GPR180: variants seen among roughly 807,000 people sequenced by gnomAD.
GPR180 encodes the protein integral membrane protein GPR180.
GPR180 carries 53 observed loss-of-function variants against 52.6 expected under a neutral mutation model. The observed-to-expected ratio is 1.01, with a 90% CI of 0.81 to 1.27. GPR180 has a LOEUF of 1.27. Among genes scored for constraint, GPR180 ranks in the 50% most tolerant of loss-of-function variants. The pLI, the probability that GPR180 is intolerant of heterozygous loss-of-function variation, is 0.00. For synonymous variants in GPR180, 200 were observed against 193.1 expected, an observed-to-expected ratio of 1.04 and a Z score of -0.30; for missense variants, 533 against 527.0, an observed-to-expected ratio of 1.01 and a Z score of -0.11.
Position 94,628,715 on chromosome 13 carries a change from G to A in GPR180, c.*1544G>A, listed in dbSNP as rs1889957801. ...TTTGTAAATCACTTAGTACATTAGA[G>A]CTACAGGTTAAGACTAGAAAGTCTG... is the stretch of plus-strand genomic sequence containing the variant. On this transcript the variant is annotated 3_prime_UTR_variant, in exon 9 of 9. Coordinates refer to ENST00000376958, the MANE Select transcript of GPR180 (RefSeq NM_180989.6). 1 of 152,024 alleles carries A rather than the reference G, an allele frequency of 6.6e-6. No individual in the cohort carries two copies. Among genetic ancestry groups the A allele is most frequent in the African/African-American group, 2.4e-5 (1 of 41,432 alleles). 9.4% of individuals were successfully genotyped at this position (152,024 alleles called of 1,614,324 possible). A position where few individuals can be genotyped will look rare whatever the true frequency, so the allele number is the denominator to read the frequency against.
intron 7 of GPR180, among the ~76,000 whole-genome samples, chr13:94,624,636 C>A (rs1291084389): frequency 6.6e-6 from 1 of 152,212 alleles, no homozygotes; most frequent in African/African-American, 2.4e-5. Flanking sequence ...CGGCTCACTG[C>A]AAGCTCCGCC....
At chr13:94,609,744 G>A (rs925675657) in intron 2 of GPR180, among the ~76,000 whole-genome samples, 1 of 150,498 alleles carries the variant, frequency 6.6e-6, no homozygotes, top group Non-Finnish European at 1.5e-5. Context: ...TCCAGAAACT[G>A]TATGTGTGTT....
intron 7 of GPR180, among the ~76,000 whole-genome samples, chr13:94,623,553 A>C (rs1354341106): frequency 6.6e-6 from 1 of 151,874 alleles, no homozygotes; most frequent in Non-Finnish European, 1.5e-5. Flanking sequence ...TGTGGCGAGC[A>C]CCTGTTGTCT....
chr13:94,619,059 T>C, intron 3 of GPR180, 91 bp from the exon 4 acceptor site: 2 of 1,010,876 alleles, frequency 2.0e-6, no homozygotes, highest in East Asian at 2.5e-5. Flanking sequence ...AAACAAGTTC[T>C]AGAAATATAT....
chr13:94,626,814 T>C (rs985363393), intron 8 of GPR180, among the ~76,000 whole-genome samples, 199 bp from the exon 9 acceptor site: 1 of 152,172 alleles, frequency 6.6e-6, no homozygotes, highest in Non-Finnish European at 1.5e-5. Flanking sequence ...ACAAAATAAC[T>C]GTTAAAGGGA....
intron 6 of GPR180, 28 bp from the exon 7 acceptor site, chr13:94,623,081 T>C (rs1376250186): frequency 6.4e-7 from 1 of 1,561,280 alleles, no homozygotes; most frequent in Non-Finnish European, 8.7e-7. Context: ...TTTTTTTTCC[T>C]AAATGTAATA....
intron 2 of GPR180, among the ~76,000 whole-genome samples, chr13:94,606,047 T>C (rs967567197): frequency 2.0e-5 from 3 of 152,332 alleles, no homozygotes; most frequent in African/African-American, 7.2e-5. Flanking sequence ...ATCTCAGCAC[T>C]TGGGGAGGCC....
In GPR180 at chr13:94,601,868, T is replaced by C. The variant is rs907490212; in HGVS notation, c.-60T>C. 2 of 1,324,286 alleles carry C rather than the reference T, an allele frequency of 1.5e-6. No homozygotes were observed. The highest frequency in any genetic ancestry group is 1.9e-6 in the Non-Finnish European group (2 of 1,034,990). 82.0% of individuals were successfully genotyped at this position (1,324,286 alleles called of 1,614,324 possible). On this transcript the variant is annotated 5_prime_UTR_variant, in exon 1 of 9. Coordinates refer to ENST00000376958, the MANE Select transcript of GPR180 (RefSeq NM_180989.6). ...ACCCCGCCTCCCCCAGCTGCCGACGTGGGGCGGGCAGCCGCCGGCGGCTGG... is the reference window on the plus strand; with the variant it reads ...ACCCCGCCTCCCCCAGCTGCCGACGCGGGGCGGGCAGCCGCCGGCGGCTGG...
rs892359764 is a variant in GPR180 at position 94,602,133 on chromosome 13, G to A, written c.145+61G>A. 1,236 of 1,251,276 alleles carry A rather than the reference G, an allele frequency of 9.9e-4. 3 individuals carry two copies. Among genetic ancestry groups the A allele is most frequent in the South Asian group, 1.8e-3 (62 of 35,386 alleles). 77.5% of individuals were successfully genotyped at this position (1,251,276 alleles called of 1,614,324 possible). ...CTGGCCCATCCCGCCGGCTGAGTCCGCCGGCCGCTCCTCCCGGCCCCTCCC... is the reference window on the plus strand; with the variant it reads ...CTGGCCCATCCCGCCGGCTGAGTCCACCGGCCGCTCCTCCCGGCCCCTCCC... On this transcript the variant is annotated intron_variant, in intron 1 of 8. Coordinates refer to ENST00000376958, the MANE Select transcript of GPR180 (RefSeq NM_180989.6).
intron 1 of GPR180, among the ~76,000 whole-genome samples, chr13:94,604,123 C>T (rs1424581897): frequency 6.6e-6 from 1 of 151,996 alleles, no homozygotes; most frequent in Non-Finnish European, 1.5e-5. Flanking sequence ...CACCTGAGGT[C>T]AGGAGTTAAA....
rs1219421457 is a variant in GPR180, at chr13:94,623,345, G to A, written c.1086+45G>A. 4 of 1,467,344 alleles carry A rather than the reference G, an allele frequency of 2.7e-6. No homozygotes were observed. The Admixed American group carries it at 5.5e-5, about 20-fold the overall frequency. The allele number at this position is 1,467,344 out of a possible 1,614,324, so 90.9% of individuals were successfully genotyped here. A position where few individuals can be genotyped will look rare whatever the true frequency, so the allele number is the denominator to read the frequency against. ...ATCGTTTATTCTGATTATCCACTTG[G>A]TTCTGGTTTCTTTGGGAAGTTAATA... is the stretch of plus-strand genomic sequence containing the variant. On this transcript the variant is annotated intron_variant, in intron 7 of 8. Transcript: ENST00000376958.
Position 94,627,221 on chromosome 13 carries a change from A to G in GPR180, c.*50A>G. 6.6e-7 allele frequency: 1 copy of G among 1,513,762 alleles called. No individual in the cohort carries two copies. The highest frequency in any genetic ancestry group is 9.1e-7 in the Non-Finnish European group (1 of 1,100,640). 93.8% of individuals were successfully genotyped at this position (1,513,762 alleles called of 1,614,324 possible). A position where few individuals can be genotyped will look rare whatever the true frequency, so the allele number is the denominator to read the frequency against. ...AGTGAATTGGTTAAAAGAGTGCAAT[A>G]AGGATCCAAATACAGTGACTTTTTT... On this transcript the variant is annotated 3_prime_UTR_variant, in exon 9 of 9. Coordinates refer to ENST00000376958, the MANE Select transcript of GPR180 (RefSeq NM_180989.6).
chr13:94,611,895 A>C (rs1460339620), intron 2 of GPR180, among the ~76,000 whole-genome samples: 5 of 152,150 alleles, frequency 3.3e-5, no homozygotes, highest in Admixed American at 1.3e-4. Context: ...AAAAGAAAAA[A>C]AAAAAAAAGA....
chr13:94,601,993 T>C lies in GPR180; in HGVS notation c.66T>C (p.Gly22=), dbSNP rs946945440. 1 of 1,486,838 alleles carries C rather than the reference T, an allele frequency of 6.7e-7. No individual in the cohort carries two copies. The highest frequency in any genetic ancestry group is 8.9e-7 in the Non-Finnish European group (1 of 1,123,140). 92.1% of individuals were successfully genotyped at this position (1,486,838 alleles called of 1,614,324 possible). A position where few individuals can be genotyped will look rare whatever the true frequency, so the allele number is the denominator to read the frequency against. The part of the protein sequence containing the change: ...TCCWWPQGSQ[G]KTLRGSFSST... ...GCTGGTGGCCGCAGGGCAGCCAGGG[T>C]AAGACCCTGCGGGGCAGCTTCAGCA... Residue 22 remains glycine, a synonymous_variant, in exon 1 of 9, where the codon GGT becomes GGC. Coordinates refer to ENST00000376958, the MANE Select transcript of GPR180 (RefSeq NM_180989.6).
In GPR180 at chr13:94,632,806, T is replaced by C. The variant is rs1200082887; in HGVS notation, c.*5635T>C. 2.0e-5 allele frequency: 3 copies of C among 152,232 alleles called. No individual in the cohort carries two copies. The highest frequency in any genetic ancestry group is 4.4e-5 in the Non-Finnish European group (3 of 68,038). 9.4% of individuals were successfully genotyped at this position (152,232 alleles called of 1,614,324 possible). On this transcript the variant is annotated 3_prime_UTR_variant, in exon 9 of 9. Transcript: ENST00000376958. ...GTTGGAGTTTTGAGTCATATGATATTAGCCCAACCTCTGAGGTGGAGAGAG... is the reference window on the plus strand; with the variant it reads ...GTTGGAGTTTTGAGTCATATGATATCAGCCCAACCTCTGAGGTGGAGAGAG...
intron 1 of GPR180, among the ~76,000 whole-genome samples, chr13:94,603,744 GA>G (rs1277764408): frequency 1.3e-5 from 2 of 151,686 alleles, no homozygotes; most frequent in Admixed American, 6.6e-5. Flanking sequence ...TAAAAGCATA[GA>G]AAAAAAATTT....
At position 94,633,275 on chromosome 13, in the gene GPR180, T is replaced by C. The variant is rs1026793016; in HGVS notation, c.*6104T>C. ...GGACTGGGCCCTTAATCTGTGAAGT[T>C]TGGCTTAACTTCAGGCAGTTGGTGT... is the stretch of plus-strand genomic sequence containing the variant. On this transcript the variant is annotated 3_prime_UTR_variant, in exon 9 of 9. Coordinates refer to ENST00000376958, the MANE Select transcript of GPR180 (RefSeq NM_180989.6). The C allele has an allele frequency of 1.3e-5, 2 of 152,146 alleles. No individual in the cohort carries two copies. Among genetic ancestry groups the C allele is most frequent in the African/African-American group, 2.4e-5 (1 of 41,444 alleles). 9.4% of individuals were successfully genotyped at this position (152,146 alleles called of 1,614,324 possible). A position where few individuals can be genotyped will look rare whatever the true frequency, so the allele number is the denominator to read the frequency against.
intron 2 of GPR180, among the ~76,000 whole-genome samples, chr13:94,607,354 T>TATTTTATAGCCATGCTGGTC (rs1322418282): frequency 6.6e-6 from 1 of 152,188 alleles, no homozygotes; most frequent in African/African-American, 2.4e-5. Context: ...ATAAATGGTT[T>TATTTTATAGCCATGCTGGTC]CCCTTAACCT....
At position 94,602,133 on chromosome 13, in the gene GPR180, G is replaced by T. The variant is rs892359764; in HGVS notation, c.145+61G>T. On this transcript the variant is annotated intron_variant, in intron 1 of 8. Transcript: ENST00000376958. The stretch of plus-strand genomic sequence containing the variant: ...CTGGCCCATCCCGCCGGCTGAGTCC[G>T]CCGGCCGCTCCTCCCGGCCCCTCCC... 5.6e-6 allele frequency: 7 copies of T among 1,251,162 alleles called. No individual in the cohort carries two copies. The South Asian group carries it at 1.7e-4, about 30-fold the overall frequency. The allele number at this position is 1,251,162 out of a possible 1,614,324, so 77.5% of individuals were successfully genotyped here.
Sources: gnomAD v4.1 joint callset for allele counts (sites outside exome capture counted in the v4.1 genomes callset) on GRCh38, gnomAD v4.1.1 for gene constraint, MANE v1.5 for transcripts, NCBI Gene and HGNC (gene_info 2026-07-23, HGNC 2026-07-21) for gene names.